ADGRL1: variants seen among roughly 807,000 people sequenced by gnomAD.
The protein encoded by ADGRL1 is adhesion G protein-coupled receptor L1.
Under a neutral mutation model 148.9 loss-of-function variants are expected in ADGRL1, and 31 were observed. The observed-to-expected ratio is 0.21, with a 90% confidence interval of 0.16 to 0.28. The LOEUF (loss-of-function observed/expected upper bound fraction) is 0.28. Ranked by LOEUF, ADGRL1 falls within the 10% of genes least tolerant of loss-of-function variation. The probability of loss-of-function intolerance (pLI) is 1.00; values close to 1 mark genes in which losing one functional copy is unlikely to be tolerated. For missense variants in ADGRL1, 1,521 were observed against 2,058.8 expected (o/e 0.74, Z 5.05); for synonymous variants, 937 against 900.3 (o/e 1.04, Z -0.73).
intron 3 of ADGRL1, chr19:14,171,000 G>A (rs991938603): frequency 3.8e-6 from 2 of 525,520 alleles, no homozygotes; most frequent in African/African-American, 3.8e-5. Context: ...GGGGCCTGGT[G>A]GGAGGTGATT....
rs1193267207 is a variant in ADGRL1, at chr19:14,157,885, C to G, written c.2532G>C (p.Glu844Asp). Residue 844 changes from glutamate to aspartate, a missense_variant, in exon 13 of 23, where the codon GAG (glutamate) becomes GAC (aspartate). Coordinates refer to ENST00000361434, the MANE Select transcript of ADGRL1 (RefSeq NM_014921.5). This position sits in a 1 kb window ranked among gnomAD's most constrained non-coding sequence, Gnocchi z 7.5. ...AGCAGAGCACCAGCCAGCTTACGAT[C>G]TCACGGTGAGCCATGAGCACAGCGA... ...TNFAVLMAHREIYQGRINELL... is the reference protein window; with the variant it reads ...TNFAVLMAHRDIYQGRINELL... 6.2e-7 allele frequency: 1 copy of G among 1,613,830 alleles called. No individual in the cohort carries two copies. Among genetic ancestry groups the G allele is most frequent in the African/African-American group, 1.3e-5 (1 of 74,940 alleles).
intron 1 of ADGRL1, among the ~76,000 whole-genome samples, chr19:14,184,495 T>A (rs552710962): frequency 6.6e-5 from 10 of 151,070 alleles, no homozygotes; most frequent in African/African-American, 2.4e-4. Flanking sequence ...TGCAATGATA[T>A]AATCACAGCT....
At position 14,185,483 on chromosome 19, in the gene ADGRL1, A is replaced by G. The variant is rs944325402; in HGVS notation, c.-95-1786T>C. Among the ~76,000 whole-genome samples the G allele has an allele frequency of 4.6e-5, 7 of 152,218 alleles. No homozygotes were observed. In the East Asian group the frequency reaches 1.2e-3, roughly 25 times the overall value. ...TAATTTTAAAATGTCTTATAGAGAC[A>G]GGATCTTGCTATGTTGCCCAAGCTG... On this transcript the variant is annotated intron_variant, in intron 1 of 22. Transcript: ENST00000361434.
At position 14,199,779 on chromosome 19, in the gene ADGRL1, G is replaced by A. The variant is rs559014408; in HGVS notation, c.-96+6206C>T. ...GACAGAGTCTTGCTCTGTCATCCAG[G>A]CTGGAGTGCAATGGCGTGATCTTGG... is the stretch of plus-strand genomic sequence containing the variant. On this transcript the variant is annotated intron_variant, in intron 1 of 22. Coordinates refer to ENST00000361434, the MANE Select transcript of ADGRL1 (RefSeq NM_014921.5). 8.0e-5 allele frequency among the ~76,000 whole-genome samples: 12 copies of A among 150,648 alleles called. No individual in the cohort carries two copies. In the South Asian group the frequency reaches 2.1e-3, roughly 26 times the overall value.
chr19:14,176,854 T>A (rs1438676243), intron 3 of ADGRL1, among the ~76,000 whole-genome samples: 1 of 147,216 alleles, frequency 6.8e-6, no homozygotes, highest in Admixed American at 6.8e-5. Context: ...AAAAAAAGAG[T>A]CTGGGATGAA....
In ADGRL1 at chr19:14,148,138, AAACC is replaced by A. The variant is rs1424383254; in HGVS notation, c.*2731_*2734del. On this transcript the variant is annotated 3_prime_UTR_variant, in exon 23 of 23. Coordinates refer to ENST00000361434, the MANE Select transcript of ADGRL1 (RefSeq NM_014921.5). ...AGCCTAAGGAAGGGAGTAGGAGAGG[AAACC>A]AAGACCCTTCTCTGTACCGTCCCAG... 1 of 152,640 alleles carries A rather than the reference AAACC, an allele frequency of 6.6e-6. No individual in the cohort carries two copies. The highest frequency in any genetic ancestry group is 1.5e-5 in the Non-Finnish European group (1 of 68,066). 9.5% of individuals were successfully genotyped at this position (152,640 alleles called of 1,614,324 possible).
chr19:14,156,942 G>A lies in ADGRL1; in HGVS notation c.2949C>T (p.Ser983=), dbSNP rs780578118. Residue 983 remains serine (S), a synonymous_variant, in exon 15 of 23, where the codon AGC becomes AGT. Coordinates refer to ENST00000361434, the MANE Select transcript of ADGRL1 (RefSeq NM_014921.5). ...VGIAAAIDYR[S]YGTEKACWLR... Reference sequence around the variant, plus strand: ...AAACTCACGCCTTCTCGGTGCCGTAGCTGCGGTAGTCAATGGCAGCCGCGA... The same window carrying A: ...AAACTCACGCCTTCTCGGTGCCGTAACTGCGGTAGTCAATGGCAGCCGCGA... The A allele has an allele frequency of 8.7e-6, 14 of 1,611,870 alleles. No homozygotes were observed. In the Admixed American group the frequency reaches 2.3e-4, roughly 27 times the overall value.
At chr19:14,185,586 G>A (rs1216430309) in intron 1 of ADGRL1, among the ~76,000 whole-genome samples, 1 of 152,124 alleles carries the variant, frequency 6.6e-6, no homozygotes, top group Non-Finnish European at 1.5e-5. Flanking sequence ...GAGCCACTGT[G>A]CTGGCCAGAA....
chr19:14,193,235 G>A (rs1484416977), intron 1 of ADGRL1, among the ~76,000 whole-genome samples: 7 of 150,086 alleles, frequency 4.7e-5, no homozygotes, highest in Non-Finnish European at 1.0e-4. Flanking sequence ...GCCTCTGGAG[G>A]GGGAGGATTG....
chr19:14,154,924 T>C (rs1452142697), intron 18 of ADGRL1, among the ~76,000 whole-genome samples: 1 of 152,174 alleles, frequency 6.6e-6, no homozygotes, highest in Non-Finnish European at 1.5e-5. Context: ...GACTGTATGT[T>C]TTTTTAAGAT....
rs1034861477 is a variant in ADGRL1 at position 14,183,245 on chromosome 19, G to A, written c.70+288C>T. Among the ~76,000 whole-genome samples the A allele has an allele frequency of 3.3e-5, 5 of 150,576 alleles. No individual in the cohort carries two copies. In the East Asian group the frequency reaches 7.8e-4, roughly 23 times the overall value. On this transcript the variant is annotated intron_variant, in intron 2 of 22. Coordinates refer to ENST00000361434, the MANE Select transcript of ADGRL1 (RefSeq NM_014921.5). ...AGAGAGAGACAGAGAGAGGAGCATC[G>A]GCTCACCAAGAAGGCCTGTCCTGGT...
rs924116602 is a variant in ADGRL1, at chr19:14,157,469, AG to A, written c.2536-10del. On this transcript the variant is annotated splice_polypyrimidine_tract_variant and intron_variant, in intron 13 of 22. Coordinates refer to ENST00000361434, the MANE Select transcript of ADGRL1 (RefSeq NM_014921.5). This position sits in a 1 kb window ranked among gnomAD's most constrained non-coding sequence, Gnocchi z 7.5. ...TTGATGCGGCCCTGGTACTGGGGAC[AG>A]GAACAGGGGGCACGCTCAGGGCCTT... 1.9e-6 allele frequency: 3 copies of A among 1,613,628 alleles called. No individual in the cohort carries two copies. Among genetic ancestry groups the A allele is most frequent in the African/African-American group, 2.7e-5 (2 of 75,050 alleles).
chr19:14,156,101 G>T lies in ADGRL1; in HGVS notation c.3125+9C>A. ...GATGGGGCAGGGGGCAGGCAGGGGCGAGGCTCACTTAATGTTGTCCAGGCG... is the reference window on the plus strand; with the variant it reads ...GATGGGGCAGGGGGCAGGCAGGGGCTAGGCTCACTTAATGTTGTCCAGGCG... On this transcript the variant is annotated intron_variant, in intron 17 of 22. Transcript: ENST00000361434. 1 of 1,605,826 alleles carries T rather than the reference G, an allele frequency of 6.2e-7. No homozygotes were observed. Among genetic ancestry groups the T allele is most frequent in the Admixed American group, 1.7e-5 (1 of 59,082 alleles).
At chr19:14,154,975 C>T (rs937781467) in intron 18 of ADGRL1, among the ~76,000 whole-genome samples, 1 of 152,056 alleles carries the variant, frequency 6.6e-6, no homozygotes, top group African/African-American at 2.4e-5. Flanking sequence ...TCCTTTCTAT[C>T]ACCACAAAAT....
chr19:14,157,382 T>C lies in ADGRL1; in HGVS notation c.2614A>G (p.Ile872Val). 6.2e-7 allele frequency: 1 copy of C among 1,614,148 alleles called. No individual in the cohort carries two copies. The highest frequency in any genetic ancestry group is 1.1e-5 in the South Asian group (1 of 91,088). The part of the protein sequence containing the change: ...GIVISLVCLA[I>V]CISTFCFLRG... ...AGGAAGCAGAAGGTGGAGATGCAGA[T>C]GGCCAAGCAGACCAGGGAGATCACA... The change falls in exon 14 of 23, where the codon ATC becomes GTC. Residue 872 changes from isoleucine (I) to valine (V), a missense_variant. Transcript: ENST00000361434. The surrounding 1 kb of genome is among the most constrained non-coding windows in gnomAD (Gnocchi z 7.5).
Position 14,155,720 on chromosome 19 carries a change from A to G in ADGRL1, c.3126-193T>C, listed in dbSNP as rs1968660364. The stretch of plus-strand genomic sequence containing the variant: ...TCCACCGGAGCCTGGGCCTGAGGGA[A>G]AGGTACTGGGTCAGGGGTCGGGGTA... On this transcript the variant is annotated intron_variant, in intron 17 of 22. Transcript: ENST00000361434. The surrounding 1 kb of genome is among the most constrained non-coding windows in gnomAD (Gnocchi z 5.0). 12 of 599,684 alleles carry G rather than the reference A, an allele frequency of 2.0e-5. No homozygotes were observed. The highest frequency in any genetic ancestry group is 1.2e-4 in the South Asian group (6 of 49,848). The allele number at this position is 599,684 out of a possible 1,614,324, so 37.1% of individuals were successfully genotyped here.
chr19:14,151,391 G>A lies in ADGRL1; in HGVS notation c.3892C>T (p.Pro1298Ser), dbSNP rs1386561746. 16 of 1,606,602 alleles carry A rather than the reference G, an allele frequency of 1.0e-5. No individual in the cohort carries two copies. The highest frequency in any genetic ancestry group is 2.7e-5 in the African/African-American group (2 of 74,698). ...GGCACAGGGGGCTCAGGCGGTGGAGGGCCCTTGGCCGCGCTGCTGCTCCCC... is the reference window on the plus strand; with the variant it reads ...GGCACAGGGGGCTCAGGCGGTGGAGAGCCCTTGGCCGCGCTGCTGCTCCCC... ...LRGSSSAAKG[P>S]PPPEPPVPPV... The change falls in exon 23 of 23, where the codon CCT becomes TCT. Residue 1298 changes from proline to serine, a missense_variant. By Grantham distance (74) the Pro-to-Ser change is moderately conservative. Coordinates refer to ENST00000361434, the MANE Select transcript of ADGRL1 (RefSeq NM_014921.5).
chr19:14,192,245 T>C (rs1467203886), intron 1 of ADGRL1, among the ~76,000 whole-genome samples: 4 of 151,876 alleles, frequency 2.6e-5, no homozygotes, highest in African/African-American at 9.7e-5. Context: ...ATTTTATTTA[T>C]TTATTTATTT....
chr19:14,163,558 G>A, intron 4 of ADGRL1, 152 bp from the exon 5 acceptor site: 1 of 652,486 alleles, frequency 1.5e-6, no homozygotes, highest in Non-Finnish European at 2.6e-6. Flanking sequence ...CCCTCCTGCT[G>A]CTGCAGTCAC....
Sources: allele counts gnomAD v4.1 joint callset (sites outside exome capture counted in the v4.1 genomes callset), GRCh38; gene constraint gnomAD v4.1.1; non-coding constraint Gnocchi (gnomAD v3.1); transcripts MANE v1.5; gene names NCBI Gene and HGNC (gene_info 2026-07-23, HGNC 2026-07-21).